The following TAOK1 variants were observed in gnomAD, a reference collection of about 807,000 sequenced individuals.
The protein encoded by TAOK1 is TAO kinase 1.
A neutral mutation model predicts 138.3 loss-of-function variants in TAOK1; 21 were observed. That is an observed-to-expected ratio of 0.15 (90% CI 0.11 to 0.22). The LOEUF (loss-of-function observed/expected upper bound fraction) is 0.22, where lower values mean the gene tolerates loss of function less well. Among genes scored for constraint, TAOK1 ranks in the 10% least tolerant of loss-of-function variants. The pLI is 1.00. For missense variants in TAOK1, 651 were observed against 1,227.7 expected, an observed-to-expected ratio of 0.53 and a Z score of 7.02; for synonymous variants, 361 against 398.4, an observed-to-expected ratio of 0.91 and a Z score of 1.12.
intron 1 of TAOK1, among the ~76,000 whole-genome samples, chr17:29,441,039 C>G (rs990813314): frequency 6.6e-6 from 1 of 152,136 alleles, no homozygotes; most frequent in Non-Finnish European, 1.5e-5. Context: ...ATAAGTGCCA[C>G]TTAATCATAA....
intron 11 of TAOK1, 61 bp downstream of exon 11, chr17:29,495,788 A>G: frequency 4.4e-6 from 6 of 1,356,204 alleles, no homozygotes; most frequent in Non-Finnish European, 5.8e-6. Flanking sequence ...TTCCTTATGC[A>G]GCTTGCCCTG....
At chr17:29,489,353 T>C (rs2031247644) in intron 8 of TAOK1, among the ~76,000 whole-genome samples, 1 of 151,926 alleles carries the variant, frequency 6.6e-6, no homozygotes, top group Non-Finnish European at 1.5e-5. Flanking sequence ...CAAAACTTAA[T>C]TGGGCATGGT....
At chr17:29,537,493 A>G (rs980492324) in intron 19 of TAOK1, among the ~76,000 whole-genome samples, 5 of 140,944 alleles carry the variant, frequency 3.5e-5, no homozygotes, top group African/African-American at 1.3e-4. Context: ...GGCATGCACC[A>G]CCATGACCAC....
At chr17:29,473,296 G>A (rs140447127) in intron 3 of TAOK1, among the ~76,000 whole-genome samples, 76 of 152,278 alleles carry the variant, frequency 5.0e-4, no homozygotes, top group Middle Eastern at 3.4e-3. Context: ...AGCCATGAAA[G>A]TCCTAGATGG....
intron 3 of TAOK1, among the ~76,000 whole-genome samples, chr17:29,467,844 G>T (rs2030709941): frequency 1.3e-5 from 2 of 148,662 alleles, no homozygotes; most frequent in South Asian, 4.2e-4. Flanking sequence ...TTTTTTTTTA[G>T]ATAGAGTCTC....
chr17:29,397,912 G>C (rs1056836788), intron 1 of TAOK1, among the ~76,000 whole-genome samples: 1 of 151,456 alleles, frequency 6.6e-6, no homozygotes, highest in African/African-American at 2.4e-5. Context: ...TTTGAGATGG[G>C]GTCTTGCTGT....
chr17:29,548,112 G>A lies in TAOK1; in HGVS notation c.*5090G>A, dbSNP rs1191822342. The A allele has an allele frequency of 6.6e-6, 1 of 152,106 alleles. No homozygotes were observed. The highest frequency in any genetic ancestry group is 1.5e-5 in the Non-Finnish European group (1 of 67,990). The allele number at this position is 152,106 out of a possible 1,614,324, so 9.4% of individuals were successfully genotyped here. A position where few individuals can be genotyped will look rare whatever the true frequency, so the allele number is the denominator to read the frequency against. On this transcript the variant is annotated 3_prime_UTR_variant, in exon 20 of 20. Transcript: ENST00000261716. ...TTCCGGTAGTTCCCTTTAAAGTCAT[G>A]TTGACTAATGTTTTCCTCCTTGTTT... is the stretch of plus-strand genomic sequence containing the variant.
intron 1 of TAOK1, among the ~76,000 whole-genome samples, chr17:29,412,817 T>C (rs1465100820): frequency 6.6e-6 from 1 of 152,180 alleles, no homozygotes; most frequent in Admixed American, 6.6e-5. Context: ...CCCATATAAA[T>C]GTTGATGCTA....
intron 6 of TAOK1, among the ~76,000 whole-genome samples, chr17:29,478,982 G>C (rs918082477): frequency 6.6e-6 from 1 of 152,016 alleles, no homozygotes; most frequent in Admixed American, 6.6e-5. Context: ...AAAATTAGCT[G>C]GGCTTTGTTG....
intron 1 of TAOK1, among the ~76,000 whole-genome samples, chr17:29,449,059 C>G (rs963343565): frequency 6.6e-6 from 1 of 152,032 alleles, no homozygotes; most frequent in Non-Finnish European, 1.5e-5. Flanking sequence ...AAAGAAGATG[C>G]CGATCATGGA....
chr17:29,496,713 G>A (rs940795218), intron 11 of TAOK1, among the ~76,000 whole-genome samples: 7 of 147,694 alleles, frequency 4.7e-5, no homozygotes, highest in African/African-American at 7.5e-5. Context: ...TCAGCCTCCC[G>A]AATAGCTGGG....
chr17:29,446,372 C>T (rs1052438035), intron 1 of TAOK1, among the ~76,000 whole-genome samples: 2 of 151,826 alleles, frequency 1.3e-5, no homozygotes, highest in East Asian at 3.9e-4. Context: ...CTACCGAGTA[C>T]CTGGGACTAC....
intron 18 of TAOK1, 112 bp from the exon 19 acceptor site, chr17:29,534,006 A>G: frequency 1.7e-6 from 2 of 1,201,538 alleles, no homozygotes; most frequent in Non-Finnish European, 2.2e-6. Flanking sequence ...AATTGTCTAA[A>G]CTAAAAAAGA....
At chr17:29,398,501 A>G (rs1263576509) in intron 1 of TAOK1, among the ~76,000 whole-genome samples, 1 of 145,926 alleles carries the variant, frequency 6.9e-6, no homozygotes, top group African/African-American at 2.5e-5. Context: ...CCACTGCGCC[A>G]GGCTTCTTTT....
chr17:29,448,457 T>G (rs1337265270), intron 1 of TAOK1, among the ~76,000 whole-genome samples: 1 of 152,208 alleles, frequency 6.6e-6, no homozygotes, highest in African/African-American at 2.4e-5. Flanking sequence ...CTGTGTGTGT[T>G]AAATTCCAAG....
At chr17:29,469,261 AAAG>A (rs1411837526) in intron 3 of TAOK1, among the ~76,000 whole-genome samples, 1 of 151,704 alleles carries the variant, frequency 6.6e-6, no homozygotes, top group Non-Finnish European at 1.5e-5. Flanking sequence ...ATAAATGAAA[AAAG>A]AAAAACTCTA....
At position 29,543,276 on chromosome 17, in the gene TAOK1, TG is replaced by T; in HGVS notation, c.*255del. On this transcript the variant is annotated 3_prime_UTR_variant, in exon 20 of 20. Coordinates refer to ENST00000261716, the MANE Select transcript of TAOK1 (RefSeq NM_020791.4). ...TTGATATTAAAAATAAATGTGTATG[TG>T]TGTACATATATATACACACACATAC... The T allele has an allele frequency of 2.9e-6, 1 of 349,086 alleles. No individual in the cohort carries two copies. Among genetic ancestry groups the T allele is most frequent in the East Asian group, 5.1e-5 (1 of 19,604 alleles). 21.6% of individuals were successfully genotyped at this position (349,086 alleles called of 1,614,324 possible). A position where few individuals can be genotyped will look rare whatever the true frequency, so the allele number is the denominator to read the frequency against.
chr17:29,516,499 TA>T (rs2031817348), intron 15 of TAOK1, among the ~76,000 whole-genome samples: 1 of 120,006 alleles, frequency 8.3e-6, no homozygotes, highest in African/African-American at 3.0e-5. Context: ...CACACCTGGC[TA>T]ATTTTTTTTT....
intron 16 of TAOK1, among the ~76,000 whole-genome samples, chr17:29,520,450 A>G (rs944226368): frequency 1.9e-4 from 28 of 150,592 alleles, no homozygotes; most frequent in South Asian, 8.4e-4. Flanking sequence ...TTGAGACTCT[A>G]TTGCCCAGGC....
Sources: allele counts gnomAD v4.1 joint callset (sites outside exome capture counted in the v4.1 genomes callset), GRCh38; gene constraint gnomAD v4.1.1; transcripts MANE v1.5; gene names NCBI Gene and HGNC (gene_info 2026-07-23, HGNC 2026-07-21).